ZNG1B: variants seen among roughly 807,000 people sequenced by gnomAD.
ZNG1B encodes the protein zinc-regulated GTPase metalloprotein activator 1B.
the ZNG1B span, among the ~76,000 whole-genome samples, chr2:113,481,183 G>A: frequency 8.0e-4 from 107 of 134,046 alleles, no homozygotes; most frequent in African/African-American, 2.6e-3. Flanking sequence ...ATGATTTTTC[G>A]AAATGTTTTT....
chr2:113,471,216 T>C, the ZNG1B span: 2 of 1,420,572 alleles, frequency 1.4e-6, no homozygotes, highest in Non-Finnish European at 1.9e-6. Context: ...TACAAGACCA[T>C]ACTTAATGAG....
chr2:113,471,434 A>G, the ZNG1B span, among the ~76,000 whole-genome samples: 1 of 150,974 alleles, frequency 6.6e-6, no homozygotes, highest in Admixed American at 6.6e-5. Context: ...AACTCTCTTC[A>G]CTTTATTTTT....
chr2:113,446,805 C>T, the ZNG1B span, among the ~76,000 whole-genome samples: 1 of 152,000 alleles, frequency 6.6e-6, no homozygotes, highest in African/African-American at 2.4e-5. Context: ...CATACACACA[C>T]ACACATTCAT....
At chr2:113,464,973 A>G in the ZNG1B span, among the ~76,000 whole-genome samples, 4 of 151,638 alleles carry the variant, frequency 2.6e-5, no homozygotes, top group African/African-American at 9.7e-5. Flanking sequence ...TATTTTTTAA[A>G]GCAAGTTTTG....
the ZNG1B span, among the ~76,000 whole-genome samples, chr2:113,491,122 AC>A: frequency 7.5e-5 from 2 of 26,584 alleles, no homozygotes; most frequent in Non-Finnish European, 1.6e-4. Flanking sequence ...AAGATAATCC[AC>A]CATGATCAAG....
chr2:113,446,340 T>C, the ZNG1B span, among the ~76,000 whole-genome samples: 1 of 152,186 alleles, frequency 6.6e-6, no homozygotes, highest in Non-Finnish European at 1.5e-5. Flanking sequence ...CTAACTTTCT[T>C]TACAATAAAG....
the ZNG1B span, chr2:113,438,126 G>A: frequency 3.1e-6 from 5 of 1,604,906 alleles, no homozygotes; most frequent in South Asian, 5.5e-5. Flanking sequence ...TCATGATCAA[G>A]AGCAAATGTC....
At chr2:113,470,194 G>A in the ZNG1B span, 9 of 150,984 alleles carry the variant, frequency 6.0e-5, no homozygotes, top group East Asian at 5.8e-4. Flanking sequence ...GTTTCACCAC[G>A]TTGTCCATGG....
At chr2:113,454,154 G>C in the ZNG1B span, among the ~76,000 whole-genome samples, 2 of 152,038 alleles carry the variant, frequency 1.3e-5, no homozygotes, top group Non-Finnish European at 2.9e-5. Context: ...GAATTCCTTA[G>C]GCATAATTAA....
the ZNG1B span, among the ~76,000 whole-genome samples, chr2:113,466,972 G>A: frequency 1.3e-5 from 2 of 150,030 alleles, no homozygotes; most frequent in Middle Eastern, 3.2e-3. Context: ...GCTGAGGCAG[G>A]AGAATGGCGT....
the ZNG1B span, among the ~76,000 whole-genome samples, chr2:113,489,399 A>G: frequency 6.6e-6 from 1 of 152,242 alleles, no homozygotes; most frequent in Non-Finnish European, 1.5e-5. Flanking sequence ...AACCTCTTTA[A>G]AGCATAAATA....
the ZNG1B span, among the ~76,000 whole-genome samples, chr2:113,446,470 G>A: frequency 1.3e-5 from 2 of 152,144 alleles, no homozygotes; most frequent in South Asian, 4.1e-4. Context: ...GTAGGGGCTG[G>A]GCATGGTGGC....
chr2:113,448,689 G>A, the ZNG1B span, among the ~76,000 whole-genome samples: 3 of 152,162 alleles, frequency 2.0e-5, no homozygotes, highest in East Asian at 3.9e-4. Flanking sequence ...CAGATAACGA[G>A]TTCAGGAGTT....
chr2:113,450,007 G>A, the ZNG1B span, among the ~76,000 whole-genome samples: 1 of 148,954 alleles, frequency 6.7e-6, no homozygotes, highest in African/African-American at 2.5e-5. Context: ...ATTATTTTGG[G>A]ACATCTAGTG....
chr2:113,447,245 G>T, the ZNG1B span, among the ~76,000 whole-genome samples: 1 of 90,338 alleles, frequency 1.1e-5, no homozygotes, highest in Admixed American at 1.2e-4. Flanking sequence ...TTGCACCACT[G>T]CACTCCAGCC....
the ZNG1B span, among the ~76,000 whole-genome samples, chr2:113,442,119 T>C: frequency 2.0e-5 from 3 of 152,324 alleles, 1 homozygote; most frequent in South Asian, 6.2e-4. Context: ...TGAAAATGCT[T>C]CTGTTATTAG....
chr2:113,441,509 T>G, the ZNG1B span: 1 of 1,609,192 alleles, frequency 6.2e-7, no homozygotes, highest in Non-Finnish European at 8.5e-7. Flanking sequence ...GAATTGCTAT[T>G]CCATATTTAA....
chr2:113,443,465 T>C, the ZNG1B span, among the ~76,000 whole-genome samples: 1 of 151,340 alleles, frequency 6.6e-6, no homozygotes, highest in African/African-American at 2.4e-5. Context: ...AAGAAAAAAA[T>C]GCCTTCAAGA....
the ZNG1B span, chr2:113,437,948 C>T: frequency 5.6e-6 from 9 of 1,611,854 alleles, no homozygotes; most frequent in Non-Finnish European, 6.8e-6. Flanking sequence ...CCCATGGAGA[C>T]GACGCAAAGC....
Sources: allele counts gnomAD v4.1 joint callset (sites outside exome capture counted in the v4.1 genomes callset), GRCh38; gene constraint gnomAD v4.1.1; transcripts MANE v1.5; gene names NCBI Gene and HGNC (gene_info 2026-07-23, HGNC 2026-07-21).